Variants in SIL1 observed in about 807,000 individuals in gnomAD.
The protein encoded by SIL1 is nucleotide exchange factor SIL1.
SIL1 carries 40 observed loss-of-function variants against 49.1 expected under a neutral mutation model. The ratio of observed to expected loss-of-function variants is 0.81; its 90% CI spans 0.63 to 1.06. The LOEUF (loss-of-function observed/expected upper bound fraction) is 1.06. SIL1 is among the 50% of genes least tolerant of loss of function. SIL1 has a pLI of 0.00. For synonymous variants in SIL1, 253 were observed against 250.8 expected (o/e 1.01, Z -0.08); for missense variants, 500 against 572.6 (o/e 0.87, Z 1.29).
At chr5:139,047,706 G>T (rs1443577301) in intron 4 of SIL1, among the ~76,000 whole-genome samples, 1 of 152,248 alleles carries the variant, frequency 6.6e-6, no homozygotes, top group Non-Finnish European at 1.5e-5. Context: ...AATTGGAGGA[G>T]CTCCATCCCA....
At chr5:138,989,240 AG>A (rs1486173104) in intron 7 of SIL1, among the ~76,000 whole-genome samples, 2 of 152,192 alleles carry the variant, frequency 1.3e-5, no homozygotes, top group Non-Finnish European at 2.9e-5. Flanking sequence ...CATGTTCCAC[AG>A]GGAAAACAAG....
At chr5:138,981,043 A>G (rs1767506689) in intron 7 of SIL1, among the ~76,000 whole-genome samples, 1 of 152,018 alleles carries the variant, frequency 6.6e-6, no homozygotes, top group Admixed American at 6.6e-5. Context: ...CATTTCTATA[A>G]AAGATACAAA....
At chr5:139,026,701 A>G (rs1768659076) in intron 6 of SIL1, 100 bp downstream of exon 6, 2 of 1,047,488 alleles carry the variant, frequency 1.9e-6, no homozygotes, top group African/African-American at 3.1e-5. Context: ...GCTCTGGGAG[A>G]GAAGTAAAGA....
At chr5:139,159,099 G>A (rs1378826968) in intron 1 of SIL1, among the ~76,000 whole-genome samples, 1 of 151,138 alleles carries the variant, frequency 6.6e-6, no homozygotes, top group Admixed American at 6.6e-5. Flanking sequence ...CTAAAAGAGA[G>A]AGAGGGAAAA....
intron 3 of SIL1, among the ~76,000 whole-genome samples, chr5:139,108,716 G>A (rs1401374624): frequency 6.6e-6 from 1 of 152,104 alleles, no homozygotes; most frequent in African/African-American, 2.4e-5. Context: ...GAATAGGCTG[G>A]GAAATCATTT....
At chr5:139,192,568 G>A (rs1372541773) in intron 1 of SIL1, among the ~76,000 whole-genome samples, 3 of 152,196 alleles carry the variant, frequency 2.0e-5, no homozygotes, top group Admixed American at 6.5e-5. Flanking sequence ...CAAAGGTTCC[G>A]ATGTCCAGTC....
At chr5:138,962,643 C>T (rs1767045699) in intron 7 of SIL1, among the ~76,000 whole-genome samples, 1 of 152,182 alleles carries the variant, frequency 6.6e-6, no homozygotes, top group African/African-American at 2.4e-5. Flanking sequence ...TACTTTTCTG[C>T]TAAGACAGAA....
chr5:139,061,599 C>T (rs1337450600), intron 3 of SIL1, among the ~76,000 whole-genome samples: 1 of 152,178 alleles, frequency 6.6e-6, no homozygotes, highest in Non-Finnish European at 1.5e-5. Flanking sequence ...AAGAATTTAT[C>T]GTGTCTGTTT....
chr5:138,950,054 G>A (rs1433313630), intron 9 of SIL1, among the ~76,000 whole-genome samples: 1 of 152,116 alleles, frequency 6.6e-6, no homozygotes, highest in Non-Finnish European at 1.5e-5. Flanking sequence ...GCAGCCTCGG[G>A]GCAGCCTTGG....
intron 1 of SIL1, among the ~76,000 whole-genome samples, chr5:139,149,087 G>A (rs775499562): frequency 1.3e-4 from 20 of 152,052 alleles, no homozygotes; most frequent in Admixed American, 5.9e-4. Flanking sequence ...GAAGCCAGGT[G>A]CTTGGGTTGT....
chr5:139,082,184 C>T lies in SIL1; in HGVS notation c.245-31138G>A, dbSNP rs1211789060. Among the ~76,000 whole-genome samples, 3 of 152,134 alleles carry T rather than the reference C, an allele frequency of 2.0e-5. No individual in the cohort carries two copies. The East Asian group carries it at 5.8e-4, about 29-fold the overall frequency. ...CTAGTACAATTCGACAAATGTTTAC[C>T]AAACAGAAATTACCAGGCATTTTGT... On this transcript the variant is annotated intron_variant, in intron 3 of 9. Coordinates refer to ENST00000394817, the MANE Select transcript of SIL1 (RefSeq NM_022464.5).
intron 7 of SIL1, among the ~76,000 whole-genome samples, chr5:138,983,746 A>G (rs900154698): frequency 1.3e-5 from 2 of 152,080 alleles, no homozygotes; most frequent in African/African-American, 4.8e-5. Context: ...AACTATGAAC[A>G]TGAATGACAG....
intron 1 of SIL1, among the ~76,000 whole-genome samples, chr5:139,136,204 T>A (rs1188203886): frequency 6.6e-6 from 1 of 152,214 alleles, no homozygotes; most frequent in Non-Finnish European, 1.5e-5. Flanking sequence ...AGGCTCAATC[T>A]TTATTTGGAC....
intron 7 of SIL1, among the ~76,000 whole-genome samples, chr5:138,999,524 T>C (rs1767943342): frequency 6.6e-6 from 1 of 152,082 alleles, no homozygotes; most frequent in African/African-American, 2.4e-5. Flanking sequence ...TAGCCAGGCA[T>C]GGTAGAGTAC....
chr5:139,056,920 T>G (rs1187176626), intron 3 of SIL1, among the ~76,000 whole-genome samples: 1 of 152,024 alleles, frequency 6.6e-6, no homozygotes, highest in Non-Finnish European at 1.5e-5. Context: ...ATGGTTGCCG[T>G]GTCTGTGTAG....
chr5:138,981,402 C>A, intron 7 of SIL1, among the ~76,000 whole-genome samples: 1 of 152,112 alleles, frequency 6.6e-6, no homozygotes, highest in Non-Finnish European at 1.5e-5. Flanking sequence ...CAGGACTCCA[C>A]TGGAGAATCC....
intron 2 of SIL1, among the ~76,000 whole-genome samples, chr5:139,121,415 G>C (rs917471988): frequency 1.3e-5 from 2 of 152,148 alleles, no homozygotes; most frequent in African/African-American, 4.8e-5. Flanking sequence ...AATGCACAGG[G>C]AATGACTCTA....
At chr5:139,190,998 G>A (rs139729232) in intron 1 of SIL1, among the ~76,000 whole-genome samples, 57 of 152,042 alleles carry the variant, frequency 3.7e-4, no homozygotes, top group African/African-American at 9.9e-4. Flanking sequence ...TTGGGAGACC[G>A]GGGTGAGCAG....
At chr5:139,044,461 C>T (rs1487242570) in intron 4 of SIL1, among the ~76,000 whole-genome samples, 1 of 152,188 alleles carries the variant, frequency 6.6e-6, no homozygotes, top group Non-Finnish European at 1.5e-5. Flanking sequence ...GTCCCAACTA[C>T]ATACACACAA....
Sources: gnomAD v4.1 joint callset for allele counts (sites outside exome capture counted in the v4.1 genomes callset) on GRCh38, gnomAD v4.1.1 for gene constraint, MANE v1.5 for transcripts, NCBI Gene and HGNC (gene_info 2026-07-23, HGNC 2026-07-21) for gene names.